UNC13C: variants seen among roughly 807,000 people sequenced by gnomAD.
The protein encoded by UNC13C is unc-13 homolog C, also known as protein unc-13 homolog C.
UNC13C carries 174 observed loss-of-function variants against 245.4 expected under a neutral mutation model. The observed-to-expected ratio is 0.71, with a 90% CI of 0.63 to 0.80. The LOEUF is 0.80. Ranked by LOEUF, UNC13C falls within the 30% of genes least tolerant of loss-of-function variation. The probability of loss-of-function intolerance (pLI) is 0.00; values close to 1 mark genes in which losing one functional copy is unlikely to be tolerated. For missense variants in UNC13C, 2,829 were observed against 2,602.9 expected (o/e 1.09, Z -1.89); for synonymous variants, 992 against 895.1 (o/e 1.11, Z -1.93).
intron 4 of UNC13C, among the ~76,000 whole-genome samples, chr15:54,169,401 C>T (rs554061045): frequency 6.6e-6 from 1 of 152,110 alleles, no homozygotes; most frequent in Non-Finnish European, 1.5e-5. Context: ...AGACTATTTT[C>T]TTTTCTTTTT....
chr15:54,490,911 A>T lies in UNC13C; in HGVS notation c.4934-3697A>T, dbSNP rs963252491. ...ACCACTATCGGCAGATCATTTCATT[A>T]TTAAGTTGTTCACTTAAAGCACAAA... On this transcript the variant is annotated intron_variant, in intron 19 of 32. Coordinates refer to ENST00000260323, the MANE Select transcript of UNC13C (RefSeq NM_001080534.3). Among the ~76,000 whole-genome samples the T allele has an allele frequency of 1.8e-4, 27 of 152,170 alleles. 1 individual carries two copies. Among genetic ancestry groups the T allele is most frequent in the African/African-American group, 6.3e-4 (26 of 41,444 alleles).
At chr15:53,857,972 A>G in the UNC13C span, among the ~76,000 whole-genome samples, 1 of 152,234 alleles carries the variant, frequency 6.6e-6, no homozygotes, top group Non-Finnish European at 1.5e-5. Flanking sequence ...GGTAGTTCAT[A>G]TATTAAGATT....
intron 14 of UNC13C, among the ~76,000 whole-genome samples, chr15:54,330,322 C>T (rs1270581380): frequency 6.6e-6 from 1 of 152,058 alleles, no homozygotes; most frequent in African/African-American, 2.4e-5. Context: ...GTCTACATCT[C>T]ATTGGCCAAA....
the UNC13C span, among the ~76,000 whole-genome samples, chr15:53,871,537 G>A: frequency 6.6e-6 from 1 of 152,190 alleles, no homozygotes; most frequent in Non-Finnish European, 1.5e-5. Flanking sequence ...CAACTTGAGG[G>A]AAGGTCTATT....
chr15:54,419,051 T>A (rs885356), intron 19 of UNC13C, among the ~76,000 whole-genome samples: 58,917 of 151,960 alleles, frequency 0.39, 11,705 homozygotes, highest in East Asian at 0.62. Flanking sequence ...TAATCTAGAA[T>A]CATGCTGACT....
At position 54,300,255 on chromosome 15, in the gene UNC13C, A is replaced by C; in HGVS notation, c.4150A>C (p.Lys1384Gln). The change falls in exon 13 of 33, where the codon AAA becomes CAA. Residue 1384 changes from lysine to glutamine, a missense_variant. Physicochemically the swap from Lys to Gln is moderately conservative, Grantham distance 53 (BLOSUM62 1). Transcript: ENST00000260323. Reference sequence around the variant, plus strand: ...TGAAGTGAAATCTAATGGTGGAGTGAAAATCCCAGAAGTCAAAGGGGATGA... The same window carrying C: ...TGAAGTGAAATCTAATGGTGGAGTGCAAATCCCAGAAGTCAAAGGGGATGA... ...LTEVKSNGGV[K>Q]IPEVKGDEAW... 6.3e-7 allele frequency: 1 copy of C among 1,598,976 alleles called. No homozygotes were observed. Among genetic ancestry groups the C allele is most frequent in the Admixed American group, 1.7e-5 (1 of 57,720 alleles).
chr15:54,436,558 C>T (rs866042571), intron 19 of UNC13C, among the ~76,000 whole-genome samples: 3 of 151,968 alleles, frequency 2.0e-5, no homozygotes, highest in African/African-American at 7.2e-5. Flanking sequence ...CAAACTAACA[C>T]AGGAACAGAA....
intron 18 of UNC13C, among the ~76,000 whole-genome samples, chr15:54,413,417 C>CTAA (rs989651691): frequency 6.6e-6 from 1 of 152,026 alleles, no homozygotes; most frequent in Non-Finnish European, 1.5e-5. Flanking sequence ...TACATAAAAT[C>CTAA]TAATGTACTA....
At chr15:54,129,603 T>C (rs2141211486) in intron 2 of UNC13C, among the ~76,000 whole-genome samples, 1 of 152,082 alleles carries the variant, frequency 6.6e-6, no homozygotes, top group South Asian at 2.1e-4. Flanking sequence ...ATTTTGGTAA[T>C]TTATATTTTT....
chr15:54,585,338 C>G (rs1233263569), intron 30 of UNC13C, among the ~76,000 whole-genome samples: 1 of 152,078 alleles, frequency 6.6e-6, no homozygotes, highest in Non-Finnish European at 1.5e-5. Flanking sequence ...GTCTCTCTTG[C>G]TTCCTCTCTC....
At chr15:54,577,370 C>G (rs1258928673) in intron 30 of UNC13C, among the ~76,000 whole-genome samples, 3 of 152,122 alleles carry the variant, frequency 2.0e-5, no homozygotes, top group Non-Finnish European at 2.9e-5. Flanking sequence ...TTGTCATATG[C>G]CAGGCTTTGT....
intron 2 of UNC13C, among the ~76,000 whole-genome samples, chr15:54,057,337 A>G (rs2141067292): frequency 6.6e-6 from 1 of 151,406 alleles, no homozygotes; most frequent in African/African-American, 2.4e-5. Flanking sequence ...CAGACTTTAA[A>G]CCAACAAAGA....
chr15:54,084,010 G>A (rs1406224200), intron 2 of UNC13C, among the ~76,000 whole-genome samples: 1 of 152,204 alleles, frequency 6.6e-6, no homozygotes, highest in Non-Finnish European at 1.5e-5. Flanking sequence ...AGGGCTGTGA[G>A]TGCAGGGGGT....
intron 4 of UNC13C, among the ~76,000 whole-genome samples, chr15:54,173,371 T>C (rs1370720943): frequency 6.6e-6 from 1 of 152,020 alleles, no homozygotes; most frequent in African/African-American, 2.4e-5. Flanking sequence ...TGTCTCCATT[T>C]ATTTAGGTTT....
chr15:54,178,449 CAAAG>C (rs1455263749), intron 4 of UNC13C, among the ~76,000 whole-genome samples: 3 of 151,972 alleles, frequency 2.0e-5, no homozygotes, highest in Admixed American at 1.3e-4. Context: ...AATTAAAAAA[CAAAG>C]AAAATATCAG....
At chr15:53,929,692 T>G in the UNC13C span, among the ~76,000 whole-genome samples, 4 of 152,130 alleles carry the variant, frequency 2.6e-5, no homozygotes, top group Non-Finnish European at 5.9e-5. Context: ...TACAGTGAAT[T>G]TGATTATAAA....
At chr15:54,538,719 A>G (rs531227783) in intron 26 of UNC13C, among the ~76,000 whole-genome samples, 28 of 152,134 alleles carry the variant, frequency 1.8e-4, no homozygotes, top group African/African-American at 5.1e-4. Context: ...ACTGGAGGCC[A>G]TTATCCTTTG....
At chr15:54,592,001 T>C (rs1203161392) in intron 30 of UNC13C, among the ~76,000 whole-genome samples, 1 of 152,164 alleles carries the variant, frequency 6.6e-6, no homozygotes, top group Non-Finnish European at 1.5e-5. Flanking sequence ...ATAATTATTA[T>C]TGTCATTGAG....
rs564062120 is a variant in UNC13C at position 53,978,624 on chromosome 15, T to C, written c.-560T>C. On this transcript the variant is annotated 5_prime_UTR_variant, in exon 1 of 33. Transcript: ENST00000260323. ...GGAAGGTATTTGGCAATGAGAAGAG[T>C]GAAAGGCAGTTTCTTGCCAGCAGCT... Among the ~76,000 whole-genome samples, 4 of 151,688 alleles carry C rather than the reference T, an allele frequency of 2.6e-5. No individual in the cohort carries two copies. Among genetic ancestry groups the C allele is most frequent in the Non-Finnish European group, 2.9e-5 (2 of 67,876 alleles).
Sources: allele counts gnomAD v4.1 joint callset (sites outside exome capture counted in the v4.1 genomes callset), GRCh38; gene constraint gnomAD v4.1.1; transcripts MANE v1.5; gene names NCBI Gene and HGNC (gene_info 2026-07-23, HGNC 2026-07-21).